ZMAT4: variants seen among roughly 807,000 people sequenced by gnomAD.
ZMAT4 encodes zinc finger matrin-type 4.
ZMAT4 carries 17 observed loss-of-function variants against 28.7 expected under a neutral mutation model. That is an observed-to-expected ratio of 0.59 (90% CI 0.41 to 0.89). ZMAT4 has a LOEUF of 0.89. Ranked by LOEUF, ZMAT4 falls within the 40% of genes least tolerant of loss-of-function variation. The pLI is 0.00. For synonymous variants in ZMAT4, 117 were observed against 109.2 expected, an observed-to-expected ratio of 1.07 and a Z score of -0.44; for missense variants, 240 against 283.8, an observed-to-expected ratio of 0.85 and a Z score of 1.11.
At chr8:40,627,330 G>C (rs1031499662) in intron 5 of ZMAT4, among the ~76,000 whole-genome samples, 1 of 152,070 alleles carries the variant, frequency 6.6e-6, no homozygotes, top group Admixed American at 6.6e-5. Context: ...GCGTAGCCAG[G>C]CATGAGAATC....
Position 40,674,940 on chromosome 8 carries a change from G to T in ZMAT4, c.350-9C>A. 6.2e-7 allele frequency: 1 copy of T among 1,608,682 alleles called. No individual in the cohort carries two copies. The highest frequency in any genetic ancestry group is 8.5e-7 in the Non-Finnish European group (1 of 1,177,556). ...TGGGCTCAGGGGTGTTGCTGTGAAA[G>T]GAAACAACCAGAGAACCACAGCCAC... is the stretch of plus-strand genomic sequence containing the variant. On this transcript the variant is annotated splice_polypyrimidine_tract_variant and intron_variant, in intron 4 of 6. Coordinates refer to ENST00000297737, the MANE Select transcript of ZMAT4 (RefSeq NM_024645.3).
At chr8:40,841,747 A>G (rs1816707874) in intron 1 of ZMAT4, among the ~76,000 whole-genome samples, 1 of 152,252 alleles carries the variant, frequency 6.6e-6, no homozygotes, top group Admixed American at 6.5e-5. Flanking sequence ...AAATAACAAG[A>G]TAAAATGCAC....
At chr8:40,617,930 A>G (rs1806069204) in intron 5 of ZMAT4, among the ~76,000 whole-genome samples, 1 of 152,226 alleles carries the variant, frequency 6.6e-6, no homozygotes, top group Non-Finnish European at 1.5e-5. Context: ...GTTTTGTTAC[A>G]GACAATTGGT....
At chr8:40,727,441 G>A (rs555100178) in intron 3 of ZMAT4, among the ~76,000 whole-genome samples, 2 of 152,286 alleles carry the variant, frequency 1.3e-5, no homozygotes, top group East Asian at 3.9e-4. Flanking sequence ...AGGAGGCAAA[G>A]GCCACAGCTT....
At chr8:40,538,215 T>C (rs908539058) in intron 6 of ZMAT4, among the ~76,000 whole-genome samples, 6 of 152,194 alleles carry the variant, frequency 3.9e-5, no homozygotes, top group African/African-American at 1.4e-4. Context: ...AAATAAAAAC[T>C]TGTGCCTCTG....
intron 5 of ZMAT4, among the ~76,000 whole-genome samples, chr8:40,673,739 A>G (rs149451566): frequency 1.7e-3 from 254 of 152,278 alleles, no homozygotes; most frequent in Non-Finnish European, 2.9e-3. Context: ...TAGTCCCACA[A>G]ATTGGTTGAT....
chr8:40,814,725 G>T (rs1051158439), intron 2 of ZMAT4, among the ~76,000 whole-genome samples: 8 of 152,196 alleles, frequency 5.3e-5, no homozygotes, highest in African/African-American at 1.7e-4. Context: ...AAGAAAATTG[G>T]AAAGTGGTTT....
Position 40,629,361 on chromosome 8 carries a change from T to C in ZMAT4, c.577+45343A>G, listed in dbSNP as rs558520670. Among the ~76,000 whole-genome samples, 396 of 106,882 alleles carry C rather than the reference T, an allele frequency of 3.7e-3. 3 individuals carry two copies. The highest frequency in any genetic ancestry group is 0.01 in the African/African-American group (373 of 35,760). The allele number at this position is 106,882 out of a possible 152,430, so 70.1% of individuals were successfully genotyped here. On this transcript the variant is annotated intron_variant, in intron 5 of 6. Transcript: ENST00000297737. ...AGTTTTTTTCCCCATGCCTTTCTTA[T>C]TGGGAAATTTTTTTTTGACTTTGCC...
At chr8:40,817,577 T>C (rs888379234) in intron 2 of ZMAT4, among the ~76,000 whole-genome samples, 2 of 152,218 alleles carry the variant, frequency 1.3e-5, no homozygotes, top group African/African-American at 2.4e-5. Context: ...TTTGTCTTCA[T>C]TCTTCTTTTT....
intron 1 of ZMAT4, among the ~76,000 whole-genome samples, chr8:40,836,335 T>C (rs1410778844): frequency 1.3e-5 from 2 of 152,196 alleles, no homozygotes; most frequent in Non-Finnish European, 2.9e-5. Context: ...GTATACATTT[T>C]CACAGGAGGA....
At chr8:40,747,198 T>C (rs1812277576) in intron 3 of ZMAT4, among the ~76,000 whole-genome samples, 1 of 152,214 alleles carries the variant, frequency 6.6e-6, no homozygotes, top group African/African-American at 2.4e-5. Flanking sequence ...CACTGATCCG[T>C]TTGGTTTATT....
intron 2 of ZMAT4, among the ~76,000 whole-genome samples, chr8:40,799,238 G>A (rs1814732987): frequency 6.6e-6 from 1 of 152,192 alleles, no homozygotes; most frequent in African/African-American, 2.4e-5. Context: ...TAGATAGATG[G>A]ATGGATGGAG....
At chr8:40,638,271 C>A (rs772136207) in intron 5 of ZMAT4, among the ~76,000 whole-genome samples, 1 of 152,162 alleles carries the variant, frequency 6.6e-6, no homozygotes, top group Non-Finnish European at 1.5e-5. Context: ...GCTAATTGGC[C>A]TGATTTGATC....
At chr8:40,601,513 AAG>A (rs1282124605) in intron 5 of ZMAT4, among the ~76,000 whole-genome samples, 2 of 72,128 alleles carry the variant, frequency 2.8e-5, no homozygotes, top group Admixed American at 1.3e-4. Flanking sequence ...AAGAAAGAGA[AAG>A]AGAAAGAAAG....
chr8:40,730,483 T>A (rs1811490080), intron 3 of ZMAT4, among the ~76,000 whole-genome samples: 2 of 152,240 alleles, frequency 1.3e-5, no homozygotes, highest in South Asian at 4.1e-4. Flanking sequence ...CCTATGATGA[T>A]CCTTTTTTAT....
At chr8:40,871,245 C>A (rs1163403987) in intron 1 of ZMAT4, among the ~76,000 whole-genome samples, 2 of 152,056 alleles carry the variant, frequency 1.3e-5, no homozygotes, top group African/African-American at 4.8e-5. Flanking sequence ...ATAAAGAGGC[C>A]CAAGAAGAGA....
intron 6 of ZMAT4, among the ~76,000 whole-genome samples, chr8:40,564,872 T>C (rs1415829055): frequency 6.6e-6 from 1 of 152,216 alleles, no homozygotes; most frequent in African/African-American, 2.4e-5. Context: ...GGAATAATCT[T>C]ACTTCAAGGT....
intron 5 of ZMAT4, among the ~76,000 whole-genome samples, chr8:40,606,661 G>A (rs1041721099): frequency 1.3e-5 from 2 of 152,162 alleles, no homozygotes; most frequent in Non-Finnish European, 2.9e-5. Flanking sequence ...GTGCCTAAGT[G>A]ATTATCTTTT....
At chr8:40,862,077 C>T (rs1453037588) in intron 1 of ZMAT4, among the ~76,000 whole-genome samples, 2 of 152,138 alleles carry the variant, frequency 1.3e-5, no homozygotes, top group African/African-American at 2.4e-5. Flanking sequence ...TGGGTATATA[C>T]CCAAAGGATT....
Sources: allele counts gnomAD v4.1 joint callset (sites outside exome capture counted in the v4.1 genomes callset), GRCh38; gene constraint gnomAD v4.1.1; transcripts MANE v1.5; gene names NCBI Gene and HGNC (gene_info 2026-07-23, HGNC 2026-07-21).